FKTN: variants seen among roughly 807,000 people sequenced by gnomAD.
The protein encoded by FKTN is fukutin.
Under a neutral mutation model 58.6 loss-of-function variants are expected in FKTN, and 47 were observed. The ratio of observed to expected loss-of-function variants is 0.80; its 90% CI spans 0.63 to 1.02. The LOEUF (loss-of-function observed/expected upper bound fraction) is 1.02. Ranked by LOEUF, FKTN falls within the 50% of genes least tolerant of loss-of-function variation. The pLI is 0.00. For synonymous variants in FKTN, 178 were observed against 191.9 expected, an observed-to-expected ratio of 0.93 and a Z score of 0.60; for missense variants, 516 against 537.3, an observed-to-expected ratio of 0.96 and a Z score of 0.39.
intron 1 of FKTN, among the ~76,000 whole-genome samples, chr9:105,562,768 A>G (rs1331174203): frequency 6.6e-6 from 1 of 152,226 alleles, no homozygotes; most frequent in East Asian, 1.9e-4. Context: ...GGAATCAACT[A>G]TGAGATTTCT....
chr9:105,596,639 ATT>A lies in FKTN; in HGVS notation c.149_150del (p.Phe50Ter). ...LSKSKGSRIG[F>X]DSTQWRAVKK... ...CAAAATCCAAAGGAAGCCGAATTGG[ATT>A]TGATAGCACACAGTGGGTATGTAGA... On this transcript the variant is annotated frameshift_variant, in exon 4 of 11. Coordinates refer to ENST00000357998, the MANE Select transcript of FKTN (RefSeq NM_001079802.2). LOFTEE classifies it high-confidence loss of function. 6.2e-7 allele frequency: 1 copy of A among 1,611,272 alleles called. No homozygotes were observed.
At chr9:105,567,900 G>A (rs1839980159) in intron 1 of FKTN, among the ~76,000 whole-genome samples, 2 of 152,138 alleles carry the variant, frequency 1.3e-5, no homozygotes, top group Admixed American at 6.5e-5. Flanking sequence ...TATACTACAA[G>A]GCTACAGTAA....
At chr9:105,611,036 C>T (rs1012853247) in intron 7 of FKTN, among the ~76,000 whole-genome samples, 6 of 151,204 alleles carry the variant, frequency 4.0e-5, no homozygotes, top group East Asian at 1.9e-4. Flanking sequence ...ACCTGTACAC[C>T]TGGCCTAGGA....
Position 105,575,107 on chromosome 9 carries a change from G to A in FKTN, c.75G>A (p.Leu25=), listed in dbSNP as rs188900946. Residue 25 remains leucine (L), a synonymous_variant, in exon 3 of 11, where the codon TTG becomes TTA. Transcript: ENST00000357998. ...LTSSAFLLFQ[L]YYYKHYLSTK... ...GTTCTGCATTTCTGCTGTTTCAGTT[G>A]TACTACTACAAGCACTATTTATCAA... is the stretch of plus-strand genomic sequence containing the variant. 15 of 1,606,230 alleles carry A rather than the reference G, an allele frequency of 9.3e-6. No homozygotes were observed. In the Admixed American group the frequency reaches 2.5e-4, roughly 27 times the overall value.
chr9:105,601,400 A>G (rs1422656940), intron 5 of FKTN, 52 bp downstream of exon 5: 2 of 1,268,086 alleles, frequency 1.6e-6, no homozygotes, highest in African/African-American at 1.5e-5. Context: ...ACAAAATAGT[A>G]TAGGTTTAGG....
At chr9:105,589,818 A>G (rs1049492632) in intron 3 of FKTN, among the ~76,000 whole-genome samples, 1 of 152,226 alleles carries the variant, frequency 6.6e-6, no homozygotes, top group African/African-American at 2.4e-5. Context: ...CATACTAGGT[A>G]GAAAACAAAG....
Position 105,607,998 on chromosome 9 carries a change from G to A in FKTN, c.780+47G>A, listed in dbSNP as rs370641384. On this transcript the variant is annotated intron_variant, in intron 7 of 10. Transcript: ENST00000357998. ...ACTTTTAAATTAAAGAAAATGTTGG[G>A]ATTATTTTTAATATTTGAGGGTGGT... The A allele has an allele frequency of 4.5e-6, 7 of 1,548,720 alleles. No homozygotes were observed. In the Admixed American group the frequency reaches 1.2e-4, roughly 26 times the overall value.
chr9:105,604,397 C>G lies in FKTN; in HGVS notation c.552C>G (p.Leu184=). The change falls in exon 6 of 11, where the codon CTC becomes CTG. Residue 184 remains leucine (L), a synonymous_variant. Transcript: ENST00000357998. ...VVFHERSGNY[L]WHGHLRLKEH... ...TTCATGAGAGGAGTGGCAACTACCT[C>G]TGGCACGGCCACTTGAGACTTAAAG... is the stretch of plus-strand genomic sequence containing the variant. 6.2e-7 allele frequency: 1 copy of G among 1,613,988 alleles called. No individual in the cohort carries two copies. The highest frequency in any genetic ancestry group is 8.5e-7 in the Non-Finnish European group (1 of 1,179,824).
intron 10 of FKTN, among the ~76,000 whole-genome samples, chr9:105,625,879 AT>A (rs1298615161): frequency 1.3e-5 from 2 of 151,808 alleles, no homozygotes; most frequent in African/African-American, 4.8e-5. Context: ...AACCCATATC[AT>A]TTTCCCTCAC....
In FKTN at chr9:105,634,737, A is replaced by G. The variant is rs549056585; in HGVS notation, c.1173-314A>G. On this transcript the variant is annotated intron_variant, in intron 10 of 10. Transcript: ENST00000357998. The stretch of plus-strand genomic sequence containing the variant: ...TGACACTTCTTTCCTCTACAGTTCC[A>G]ACAGAAAGCCCAAGGCTGACTTTGA... Among the ~76,000 whole-genome samples the G allele has an allele frequency of 2.3e-3, 354 of 152,284 alleles. 2 individuals are homozygous for G. Among genetic ancestry groups the G allele is most frequent in the African/African-American group, 8.1e-3 (337 of 41,564 alleles).
intron 6 of FKTN, among the ~76,000 whole-genome samples, chr9:105,605,989 T>C (rs568828058): frequency 5.3e-5 from 8 of 152,238 alleles, no homozygotes; most frequent in Non-Finnish European, 1.2e-4. Flanking sequence ...ATCAAAATAT[T>C]GCATGTAACC....
intron 10 of FKTN, among the ~76,000 whole-genome samples, chr9:105,625,692 A>G (rs1354526902): frequency 1.3e-5 from 2 of 152,236 alleles, no homozygotes; most frequent in Admixed American, 6.5e-5. Context: ...ATATAAGTTT[A>G]TAATCTTAGA....
Position 105,636,070 on chromosome 9 carries a change from G to A in FKTN, c.*806G>A, listed in dbSNP as rs75971372. 7.5e-5 allele frequency: 74 copies of A among 984,772 alleles called. No homozygotes were observed. In the African/African-American group the frequency reaches 1.0e-3, roughly 14 times the overall value. The allele number at this position is 984,772 out of a possible 1,614,324, so 61.0% of individuals were successfully genotyped here. A position where few individuals can be genotyped will look rare whatever the true frequency, so the allele number is the denominator to read the frequency against. On this transcript the variant is annotated 3_prime_UTR_variant, in exon 11 of 11. Coordinates refer to ENST00000357998, the MANE Select transcript of FKTN (RefSeq NM_001079802.2). ...GTTACTAGACATGATCTTGAAAGAG[G>A]CCATGATTTCACAAAACTCATTTTT...
intron 7 of FKTN, among the ~76,000 whole-genome samples, chr9:105,610,965 G>A (rs1829811864): frequency 6.6e-6 from 1 of 152,020 alleles, no homozygotes; most frequent in Non-Finnish European, 1.5e-5. Context: ...ACCATCACAA[G>A]ATAATTAATG....
chr9:105,619,059 A>G (rs1477399438), intron 9 of FKTN, among the ~76,000 whole-genome samples: 1 of 73,122 alleles, frequency 1.4e-5, no homozygotes, highest in South Asian at 2.8e-4. Flanking sequence ...ACTCCGTCTT[A>G]AAAAAAAAAA....
chr9:105,561,324 A>G (rs892077247), intron 1 of FKTN, among the ~76,000 whole-genome samples: 15 of 152,074 alleles, frequency 9.9e-5, no homozygotes, highest in African/African-American at 3.4e-4. Context: ...ACATTAACAT[A>G]ATTACATGTG....
intron 10 of FKTN, among the ~76,000 whole-genome samples, chr9:105,628,802 GA>G (rs990737718): frequency 3.3e-5 from 5 of 152,182 alleles, no homozygotes; most frequent in Admixed American, 2.6e-4. Context: ...CTAAGTGAAA[GA>G]AGTCAGATAG....
At chr9:105,581,949 C>T (rs1843020750) in intron 3 of FKTN, among the ~76,000 whole-genome samples, 1 of 152,190 alleles carries the variant, frequency 6.6e-6, no homozygotes, top group Admixed American at 6.5e-5. Context: ...TCCGTCACCC[C>T]TTTCTTTGAC....
At chr9:105,607,207 C>A (rs1829056368) in intron 6 of FKTN, among the ~76,000 whole-genome samples, 1 of 151,874 alleles carries the variant, frequency 6.6e-6, no homozygotes, top group South Asian at 2.1e-4. Context: ...AGTATGGGAT[C>A]CAAAATACAT....
Sources: allele counts gnomAD v4.1 joint callset (sites outside exome capture counted in the v4.1 genomes callset), GRCh38; gene constraint gnomAD v4.1.1; transcripts MANE v1.5; gene names NCBI Gene and HGNC (gene_info 2026-07-23, HGNC 2026-07-21).